The following IRAG2 variants were observed in gnomAD, a reference collection of about 807,000 sequenced individuals.
IRAG2 encodes the protein inositol 1,4,5-triphosphate receptor associated 2.
Under a neutral mutation model 69.9 loss-of-function variants are expected in IRAG2, and 45 were observed. That is an observed-to-expected ratio of 0.64 (90% CI 0.51 to 0.83). The LOEUF (loss-of-function observed/expected upper bound fraction) is 0.83, where lower values mean the gene tolerates loss of function less well. Ranked by LOEUF, IRAG2 falls within the 40% of genes least tolerant of loss-of-function variation. The probability of loss-of-function intolerance (pLI) is 0.00; values close to 1 mark genes in which losing one functional copy is unlikely to be tolerated. For synonymous variants in IRAG2, 193 were observed against 202.4 expected, an observed-to-expected ratio of 0.95 and a Z score of 0.40; for missense variants, 520 against 587.0, an observed-to-expected ratio of 0.89 and a Z score of 1.18.
chr12:25,106,903 A>T, intron 20 of IRAG2, 40 bp from the exon 21 acceptor site: 1 of 937,356 alleles, frequency 1.1e-6, no homozygotes, highest in South Asian at 1.7e-5. Context: ...ATAGCATATT[A>T]TCCTTAGTTT....
At chr12:25,049,871 T>C (rs893897934), upstream of IRAG2, among the ~76,000 whole-genome samples, 2 of 148,246 alleles carry the variant, frequency 1.3e-5, no homozygotes, top group African/African-American at 5.0e-5. Context: ...TAGTCCTAGC[T>C]ACCCGGGAGG....
chr12:25,103,323 T>C (rs1197100744), intron 17 of IRAG2: 1 of 153,938 alleles, frequency 6.5e-6, no homozygotes, highest in Admixed American at 6.4e-5. Context: ...GCTATACATG[T>C]AGGTGCATAT....
chr12:25,031,002 C>T (rs1318589656), intron 10 of IRAG2: 1 of 983,124 alleles, frequency 1.0e-6, no homozygotes, highest in African/African-American at 1.8e-5. Context: ...TGATTGTAGC[C>T]AAGGATACCG....
intron 9 of IRAG2, among the ~76,000 whole-genome samples, chr12:25,029,821 C>T (rs906996626): frequency 1.3e-5 from 2 of 152,194 alleles, no homozygotes; most frequent in Admixed American, 6.5e-5. Context: ...CCTGAGACTA[C>T]AGGCATGTGC....
chr12:25,071,489 C>T (rs1246718474), intron 6 of IRAG2, among the ~76,000 whole-genome samples: 1 of 152,168 alleles, frequency 6.6e-6, no homozygotes, highest in Non-Finnish European at 1.5e-5. Flanking sequence ...TTTTATCTGG[C>T]ACCGAGTTTA....
chr12:25,005,977 T>G (rs979809415), intron 2 of IRAG2, among the ~76,000 whole-genome samples: 1 of 152,164 alleles, frequency 6.6e-6, no homozygotes, highest in African/African-American at 2.4e-5. Flanking sequence ...TTCACAACCA[T>G]GCATGTGACA....
intron 1 of IRAG2, 86 bp downstream of exon 1, chr12:25,053,042 C>G (rs1944948339): frequency 5.0e-6 from 2 of 397,236 alleles, no homozygotes; most frequent in Middle Eastern, 6.3e-4. Flanking sequence ...TAGATTACAG[C>G]TAGGATATTA....
intron 2 of IRAG2, chr12:25,006,474 A>G (rs577352875): frequency 6.6e-6 from 1 of 152,340 alleles, no homozygotes; most frequent in South Asian, 2.1e-4. Context: ...AATCAACCCA[A>G]ATGACCATGA....
chr12:25,090,737 T>A lies in IRAG2; in HGVS notation c.606+540T>A, dbSNP rs138692844. On this transcript the variant is annotated intron_variant, in intron 14 of 21. Coordinates refer to ENST00000556887, the MANE Select transcript of IRAG2 (RefSeq NM_001366544.2). ...TAAAAGTTTCACTAATAGGAGAGTA[T>A]CAGCTATAAAATGAAAAATGTCTTT... The A allele has an allele frequency of 7.0e-3, 2,828 of 404,934 alleles. 15 individuals carry two copies. The highest frequency in any genetic ancestry group is 9.7e-3 in the Non-Finnish European group (1,978 of 204,218). 25.1% of individuals were successfully genotyped at this position (404,934 alleles called of 1,614,324 possible).
chr12:25,013,860 CTTTTTCTTTTTT>C (rs1944497443), intron 3 of IRAG2, among the ~76,000 whole-genome samples: 1 of 78,136 alleles, frequency 1.3e-5, no homozygotes, highest in Non-Finnish European at 2.8e-5. Context: ...TTTTTGTTTT[CTTTTTCTTTTTT>C]TTTTTTTTTT....
chr12:25,074,508 TTTG>T (rs1946547681), intron 6 of IRAG2, among the ~76,000 whole-genome samples: 1 of 152,140 alleles, frequency 6.6e-6, no homozygotes, highest in Non-Finnish European at 1.5e-5. Flanking sequence ...GTTCTTTTGG[TTTG>T]TTGTCCACAC....
chr12:25,072,359 C>T (rs1592003469), intron 6 of IRAG2, among the ~76,000 whole-genome samples: 1 of 152,168 alleles, frequency 6.6e-6, no homozygotes, highest in Non-Finnish European at 1.5e-5. Flanking sequence ...GTTGGCTGCA[C>T]CTTCTGACTG....
chr12:25,026,407 G>T (rs1944621932), intron 8 of IRAG2, among the ~76,000 whole-genome samples: 1 of 152,140 alleles, frequency 6.6e-6, no homozygotes, highest in African/African-American at 2.4e-5. Context: ...TGATTATAAT[G>T]ATTGCCCAGG....
intron 16 of IRAG2, among the ~76,000 whole-genome samples, chr12:25,042,198 T>C (rs564400955): frequency 2.6e-5 from 4 of 152,098 alleles, no homozygotes; most frequent in Non-Finnish European, 5.9e-5. Flanking sequence ...AAGTTATATG[T>C]GTGGAGAAAG....
chr12:25,080,240 G>C (rs371805200), intron 9 of IRAG2, among the ~76,000 whole-genome samples: 16 of 152,086 alleles, frequency 1.1e-4, no homozygotes, highest in African/African-American at 3.9e-4. Context: ...AAACAATGTA[G>C]TTATTCTCGA....
chr12:25,032,791 A>G (rs1042441313), intron 12 of IRAG2, among the ~76,000 whole-genome samples: 1 of 152,170 alleles, frequency 6.6e-6, no homozygotes, highest in African/African-American at 2.4e-5. Flanking sequence ...GAGGGCTCCA[A>G]CCTCATAACT....
At chr12:25,036,464 C>A (rs1244170559) in intron 14 of IRAG2, 7 of 394,820 alleles carry the variant, frequency 1.8e-5, no homozygotes, top group Non-Finnish European at 3.1e-5. Context: ...GCATTAGATG[C>A]AAAGGAACGT....
At chr12:25,011,568 T>A in intron 3 of IRAG2, 1 of 1,218,882 alleles carries the variant, frequency 8.2e-7, no homozygotes, top group African/African-American at 1.6e-5. Flanking sequence ...AGAGTCCTAG[T>A]GGGATGCAGT....
chr12:24,997,729 G>C, the IRAG2 span: 3 of 152,668 alleles, frequency 2.0e-5, no homozygotes, highest in Non-Finnish European at 2.9e-5. Context: ...GATGTAGGCT[G>C]TTCTGTTGTG....
Sources: allele counts gnomAD v4.1 joint callset (sites outside exome capture counted in the v4.1 genomes callset), GRCh38; gene constraint gnomAD v4.1.1; transcripts MANE v1.5; gene names NCBI Gene and HGNC (gene_info 2026-07-23, HGNC 2026-07-21).